The following DSCAM variants were observed in gnomAD, a reference collection of about 807,000 sequenced individuals.
The protein encoded by DSCAM is DS cell adhesion molecule.
Under a neutral mutation model 217.7 loss-of-function variants are expected in DSCAM, and 47 were observed. The ratio of observed to expected loss-of-function variants is 0.22; its 90% CI spans 0.17 to 0.28. DSCAM has a LOEUF of 0.28. Among genes scored for constraint, DSCAM ranks in the 10% least tolerant of loss-of-function variants. DSCAM has a pLI of 1.00. For missense variants in DSCAM, 2,080 were observed against 2,618.3 expected (o/e 0.79, Z 4.49); for synonymous variants, 1,056 against 1,015.3 (o/e 1.04, Z -0.76).
chr21:40,326,951 A>G (rs1359458804), intron 8 of DSCAM, among the ~76,000 whole-genome samples: 1 of 149,758 alleles, frequency 6.7e-6, no homozygotes, highest in African/African-American at 2.4e-5. Flanking sequence ...TGTGTTTTAT[A>G]TTTATATATC....
chr21:40,642,056 AAAAC>A (rs138562268), intron 3 of DSCAM, among the ~76,000 whole-genome samples: 35,959 of 144,302 alleles, frequency 0.25, 4,558 homozygotes, highest in Middle Eastern at 0.36. Context: ...AAAAAAAAAA[AAAAC>A]AAAGATTATA....
intron 3 of DSCAM, among the ~76,000 whole-genome samples, chr21:40,680,084 T>C (rs568480141): frequency 1.3e-5 from 2 of 152,338 alleles, no homozygotes; most frequent in Admixed American, 6.5e-5. Flanking sequence ...CCTATATTAA[T>C]TCATTTAATT....
chr21:40,015,053 C>T (rs915689350), intron 32 of DSCAM, among the ~76,000 whole-genome samples: 59 of 152,196 alleles, frequency 3.9e-4, no homozygotes, highest in African/African-American at 1.4e-3. Context: ...CCTCTAAATA[C>T]GGAGTGTTCA....
At chr21:40,787,502 A>T (rs918026015) in intron 1 of DSCAM, among the ~76,000 whole-genome samples, 2 of 152,178 alleles carry the variant, frequency 1.3e-5, no homozygotes, top group African/African-American at 4.8e-5. Flanking sequence ...TCATAATGTC[A>T]AAACGATTGG....
intron 3 of DSCAM, among the ~76,000 whole-genome samples, chr21:40,470,991 C>T (rs961163964): frequency 5.9e-5 from 9 of 152,310 alleles, no homozygotes; most frequent in Non-Finnish European, 1.2e-4. Flanking sequence ...GACATTTTCA[C>T]GGTTTTCCTC....
At chr21:40,702,024 G>A (rs941193054) in intron 2 of DSCAM, among the ~76,000 whole-genome samples, 1 of 152,092 alleles carries the variant, frequency 6.6e-6, no homozygotes, top group African/African-American at 2.4e-5. Flanking sequence ...TGAACTAGGA[G>A]TATTGAAATC....
chr21:40,249,420 G>C (rs550600144), intron 11 of DSCAM, among the ~76,000 whole-genome samples: 4 of 152,252 alleles, frequency 2.6e-5, no homozygotes, highest in African/African-American at 9.6e-5. Flanking sequence ...CCGCTGCCAT[G>C]TAAGAAGTGC....
intron 3 of DSCAM, among the ~76,000 whole-genome samples, chr21:40,443,932 A>G (rs927757804): frequency 1.3e-5 from 2 of 152,250 alleles, no homozygotes; most frequent in African/African-American, 4.8e-5. Flanking sequence ...CTGTGAACTT[A>G]GTATTTTCAC....
chr21:40,149,941 C>G (rs961416770), intron 16 of DSCAM, among the ~76,000 whole-genome samples: 46 of 152,202 alleles, frequency 3.0e-4, no homozygotes, highest in African/African-American at 9.9e-4. Flanking sequence ...TCACTATCAC[C>G]ACAACCATCC....
intron 3 of DSCAM, among the ~76,000 whole-genome samples, chr21:40,536,890 G>A (rs2076504000): frequency 6.6e-6 from 1 of 152,220 alleles, no homozygotes; most frequent in African/African-American, 2.4e-5. Flanking sequence ...AGCCGTGACA[G>A]CTTTGAAGGC....
At chr21:40,643,052 A>G (rs2146344529) in intron 3 of DSCAM, among the ~76,000 whole-genome samples, 1 of 152,306 alleles carries the variant, frequency 6.6e-6, no homozygotes, top group Non-Finnish European at 1.5e-5. Flanking sequence ...GGAGTGAACT[A>G]AAACTGTTTT....
intron 1 of DSCAM, among the ~76,000 whole-genome samples, chr21:40,781,992 CAAAAAAA>C (rs57750960): frequency 4.7e-5 from 5 of 106,400 alleles, no homozygotes; most frequent in African/African-American, 1.1e-4. Context: ...ACTAAAAATA[CAAAAAAA>C]AAAAAAAAAA....
intron 3 of DSCAM, among the ~76,000 whole-genome samples, chr21:40,532,868 C>G (rs866905367): frequency 1.8e-4 from 26 of 145,918 alleles, no homozygotes; most frequent in Non-Finnish European, 2.4e-4. Context: ...CCACAAGGCT[C>G]TGTGTGTGTG....
intron 8 of DSCAM, among the ~76,000 whole-genome samples, chr21:40,317,530 C>CTT (rs2074211329): frequency 6.7e-6 from 1 of 149,838 alleles, no homozygotes; most frequent in Non-Finnish European, 1.5e-5. Context: ...TTTTTCTTTT[C>CTT]TTTCTTTTTC....
At chr21:40,240,552 T>C (rs971709142) in intron 11 of DSCAM, among the ~76,000 whole-genome samples, 3 of 152,098 alleles carry the variant, frequency 2.0e-5, no homozygotes, top group African/African-American at 7.2e-5. Flanking sequence ...TAAATTACCT[T>C]ATATTTTCCA....
chr21:40,785,596 C>T (rs1241322373), intron 1 of DSCAM, among the ~76,000 whole-genome samples: 2 of 152,220 alleles, frequency 1.3e-5, no homozygotes, highest in Non-Finnish European at 2.9e-5. Context: ...CTTTCAGTTA[C>T]CACAGTATGG....
intron 3 of DSCAM, among the ~76,000 whole-genome samples, chr21:40,585,525 A>C (rs1328324139): frequency 1.3e-5 from 2 of 152,216 alleles, no homozygotes; most frequent in Non-Finnish European, 2.9e-5. Context: ...ACAGCAAAAT[A>C]CATGGGCAAT....
chr21:40,569,077 G>A (rs2076786512), intron 3 of DSCAM, among the ~76,000 whole-genome samples: 1 of 152,172 alleles, frequency 6.6e-6, no homozygotes, highest in South Asian at 2.1e-4. Context: ...CTGGGTGCAG[G>A]AGGGTCCCTC....
At position 40,193,097 on chromosome 21, in the gene DSCAM, T is replaced by C. The variant is rs1055210377; in HGVS notation, c.2357-3859A>G. On this transcript the variant is annotated intron_variant, in intron 11 of 32. Coordinates refer to ENST00000400454, the MANE Select transcript of DSCAM (RefSeq NM_001389.5). ...AGGAGGTGTTAAGATTCAGCATTTA[T>C]GGTGAGGGAACAAGAACATTCCCTT... Among the ~76,000 whole-genome samples the C allele has an allele frequency of 5.3e-5, 8 of 152,226 alleles. No individual in the cohort carries two copies. The South Asian group carries it at 1.4e-3, about 28-fold the overall frequency.
Sources: gnomAD v4.1 joint callset for allele counts (sites outside exome capture counted in the v4.1 genomes callset) on GRCh38, gnomAD v4.1.1 for gene constraint, MANE v1.5 for transcripts, NCBI Gene and HGNC (gene_info 2026-07-23, HGNC 2026-07-21) for gene names.